LRMDA: variants seen among roughly 807,000 people sequenced by gnomAD.
LRMDA encodes leucine-rich melanocyte differentiation-associated protein.
In LRMDA, 18 loss-of-function variants were observed where a neutral mutation model predicts 29.8. That is an observed-to-expected ratio of 0.60 (90% CI 0.42 to 0.90). The LOEUF (loss-of-function observed/expected upper bound fraction) is 0.90. Among genes scored for constraint, LRMDA ranks in the 40% least tolerant of loss-of-function variants. The probability of loss-of-function intolerance (pLI) is 0.00; values close to 1 mark genes in which losing one functional copy is unlikely to be tolerated. For synonymous variants in LRMDA, 125 were observed against 109.4 expected (o/e 1.14, Z -0.89); for missense variants, 273 against 273.9 (o/e 1.00, Z 0.02).
chr10:76,196,952 A>G (rs775698401), intron 5 of LRMDA, among the ~76,000 whole-genome samples: 1 of 152,152 alleles, frequency 6.6e-6, no homozygotes, highest in Non-Finnish European at 1.5e-5. Context: ...GGCAACTCTG[A>G]CTGTAAAATG....
chr10:76,320,093 G>A (rs958026526), intron 5 of LRMDA, among the ~76,000 whole-genome samples: 4 of 152,236 alleles, frequency 2.6e-5, no homozygotes, highest in East Asian at 3.9e-4. Context: ...TATCAGTTTT[G>A]GTAATCACCG....
chr10:75,563,828 G>T (rs1176506227), intron 2 of LRMDA, among the ~76,000 whole-genome samples: 2 of 152,028 alleles, frequency 1.3e-5, no homozygotes, highest in Non-Finnish European at 2.9e-5. Flanking sequence ...ATCAGCAGCG[G>T]TGGCTGCAGA....
Position 75,930,698 on chromosome 10 carries a change from G to C in LRMDA, c.132-105310G>C, listed in dbSNP as rs74494846. On this transcript the variant is annotated intron_variant, in intron 2 of 6. Transcript: ENST00000611255. ...AGCCTTCATCTATCTCCACTCCTAT[G>C]CTTCATACCTGCTATATATTCTTTG... is the stretch of plus-strand genomic sequence containing the variant. Among the ~76,000 whole-genome samples the C allele has an allele frequency of 3.8e-4, 58 of 152,230 alleles. No homozygotes were observed. In the East Asian group the frequency reaches 6.2e-3, roughly 16 times the overall value.
At chr10:75,841,370 G>C (rs1267492229) in intron 2 of LRMDA, among the ~76,000 whole-genome samples, 1 of 152,170 alleles carries the variant, frequency 6.6e-6, no homozygotes, top group Non-Finnish European at 1.5e-5. Flanking sequence ...TTGTCTGTGT[G>C]AATGATTGCC....
intron 5 of LRMDA, among the ~76,000 whole-genome samples, chr10:76,138,342 G>C (rs1850134910): frequency 6.6e-6 from 1 of 152,098 alleles, no homozygotes; most frequent in Non-Finnish European, 1.5e-5. Context: ...ACCACTCCTT[G>C]AATTTTGCCC....
At chr10:76,114,564 G>C (rs1849634724) in intron 5 of LRMDA, among the ~76,000 whole-genome samples, 1 of 152,292 alleles carries the variant, frequency 6.6e-6, no homozygotes, top group Non-Finnish European at 1.5e-5. Context: ...TTCACAGAGA[G>C]AGCTCTTTGC....
chr10:75,490,220 T>C (rs942405404), intron 2 of LRMDA, among the ~76,000 whole-genome samples: 1 of 152,190 alleles, frequency 6.6e-6, no homozygotes, highest in Admixed American at 6.5e-5. Context: ...TCAACCTTTC[T>C]GAACACATAT....
intron 6 of LRMDA, among the ~76,000 whole-genome samples, chr10:76,381,363 AAGG>A (rs1490538741): frequency 6.6e-6 from 1 of 152,108 alleles, no homozygotes; most frequent in African/African-American, 2.4e-5. Context: ...TAATTGAAAA[AAGG>A]AGAATTGACA....
chr10:75,551,715 A>G (rs1007028074), intron 2 of LRMDA, among the ~76,000 whole-genome samples: 3 of 151,986 alleles, frequency 2.0e-5, no homozygotes, highest in African/African-American at 7.2e-5. Context: ...TGCCACATTG[A>G]GTCAGCTATT....
At chr10:76,234,617 C>T (rs1455216926) in intron 5 of LRMDA, among the ~76,000 whole-genome samples, 1 of 152,196 alleles carries the variant, frequency 6.6e-6, no homozygotes, top group African/African-American at 2.4e-5. Context: ...TAGTCACCTT[C>T]ATCAAATCTT....
chr10:75,684,447 C>G (rs1470815582), intron 2 of LRMDA, among the ~76,000 whole-genome samples: 1 of 152,192 alleles, frequency 6.6e-6, no homozygotes, highest in Non-Finnish European at 1.5e-5. Context: ...AGAGTTCACT[C>G]TGGGAAATGA....
chr10:76,245,939 A>G (rs1564698797), intron 5 of LRMDA, among the ~76,000 whole-genome samples: 2 of 152,230 alleles, frequency 1.3e-5, no homozygotes, highest in Non-Finnish European at 1.5e-5. Context: ...TTTATCAACA[A>G]TATAAAAATT....
At chr10:75,621,224 ACCCACACACC>A (rs961514997) in intron 2 of LRMDA, among the ~76,000 whole-genome samples, 11 of 143,282 alleles carry the variant, frequency 7.7e-5, no homozygotes, top group African/African-American at 2.8e-4. Flanking sequence ...ACACACACAC[ACCCACACACC>A]CACACACACA....
chr10:75,536,789 G>A (rs971485837), intron 2 of LRMDA, among the ~76,000 whole-genome samples: 7 of 151,964 alleles, frequency 4.6e-5, no homozygotes. Flanking sequence ...TGAACTCTTA[G>A]CCTCAAGTGA....
chr10:75,672,013 A>T (rs1841897088), intron 2 of LRMDA, among the ~76,000 whole-genome samples: 2 of 152,280 alleles, frequency 1.3e-5, no homozygotes, highest in African/African-American at 4.8e-5. Context: ...GACCTTTCTA[A>T]CTTACTCTAT....
At chr10:75,628,753 C>T (rs1257222925) in intron 2 of LRMDA, among the ~76,000 whole-genome samples, 2 of 152,190 alleles carry the variant, frequency 1.3e-5, no homozygotes, top group African/African-American at 2.4e-5. Context: ...ACCAGACCTC[C>T]AGCATAGTCA....
At chr10:76,304,129 A>G (rs765559447) in intron 5 of LRMDA, among the ~76,000 whole-genome samples, 1 of 152,092 alleles carries the variant, frequency 6.6e-6, no homozygotes, top group East Asian at 1.9e-4. Flanking sequence ...TTAATTACTC[A>G]TTCATCAGAG....
intron 2 of LRMDA, among the ~76,000 whole-genome samples, chr10:75,702,567 G>A (rs1247514168): frequency 6.6e-6 from 1 of 152,148 alleles, no homozygotes; most frequent in Non-Finnish European, 1.5e-5. Flanking sequence ...TGGAAGGATG[G>A]TGGTGTTCAT....
At chr10:75,803,405 T>C (rs1046712412) in intron 2 of LRMDA, among the ~76,000 whole-genome samples, 49 of 152,200 alleles carry the variant, frequency 3.2e-4, no homozygotes, top group South Asian at 4.1e-4. Flanking sequence ...GGTTACCTGT[T>C]CTTGGTAACA....
Sources: gnomAD v4.1 joint callset for allele counts (sites outside exome capture counted in the v4.1 genomes callset) on GRCh38, gnomAD v4.1.1 for gene constraint, MANE v1.5 for transcripts, NCBI Gene and HGNC (gene_info 2026-07-23, HGNC 2026-07-21) for gene names.